The following GPHN variants were observed in gnomAD, a reference collection of about 807,000 sequenced individuals.
GPHN encodes the protein gephyrin.
Under a neutral mutation model 95.5 loss-of-function variants are expected in GPHN, and 17 were observed. The ratio of observed to expected loss-of-function variants is 0.18; its 90% CI spans 0.12 to 0.27. The LOEUF (loss-of-function observed/expected upper bound fraction) is 0.27, where lower values mean the gene tolerates loss of function less well. Among genes scored for constraint, GPHN ranks in the 10% least tolerant of loss-of-function variants. GPHN has a pLI of 1.00. For missense variants in GPHN, 660 were observed against 978.1 expected, an observed-to-expected ratio of 0.67 and a Z score of 4.34; for synonymous variants, 320 against 322.5, an observed-to-expected ratio of 0.99 and a Z score of 0.08.
Position 66,972,141 on chromosome 14 carries a change from G to T in GPHN, c.963+6816G>T, listed in dbSNP as rs1005422109. Among the ~76,000 whole-genome samples the T allele has an allele frequency of 7.3e-5, 11 of 151,678 alleles. No individual in the cohort carries two copies. The East Asian group carries it at 2.1e-3, about 30-fold the overall frequency. On this transcript the variant is annotated intron_variant, in intron 9 of 22. Coordinates refer to ENST00000478722, the MANE Select transcript of GPHN (RefSeq NM_020806.5). ...AAATTAGCCAGGTGTGGTGGTACAT[G>T]CCTGTAGTCCCAGCTGCTTGGGAGG...
chr14:67,608,344 T>A, the GPHN span, among the ~76,000 whole-genome samples: 1 of 152,186 alleles, frequency 6.6e-6, no homozygotes, highest in Non-Finnish European at 1.5e-5. Context: ...TACATATAAT[T>A]TACATTGTAT....
rs918348460 is a variant in GPHN, at chr14:66,829,183, G to A, written c.294+4617G>A. Among the ~76,000 whole-genome samples, 12 of 144,566 alleles carry A rather than the reference G, an allele frequency of 8.3e-5. No homozygotes were observed. The South Asian group carries it at 1.7e-3, about 21-fold the overall frequency. 94.8% of individuals were successfully genotyped at this position (144,566 alleles called of 152,430 possible). ...GCTCACTGCAACCTCCACCTTCCACGTTCAAGCAATTCCTGTGCCTCAGCC... is the reference window on the plus strand; with the variant it reads ...GCTCACTGCAACCTCCACCTTCCACATTCAAGCAATTCCTGTGCCTCAGCC... On this transcript the variant is annotated intron_variant, in intron 4 of 22. Transcript: ENST00000478722.
At chr14:66,904,249 G>GGTGGAAGGGGACT (rs1433971831) in intron 5 of GPHN, among the ~76,000 whole-genome samples, 2 of 152,046 alleles carry the variant, frequency 1.3e-5, no homozygotes, top group African/African-American at 4.8e-5. Context: ...CCTTCCACAG[G>GGTGGAAGGGGACT]GTGGAAGGGG....
chr14:67,002,040 A>G (rs2058053926), intron 9 of GPHN, among the ~76,000 whole-genome samples: 1 of 151,624 alleles, frequency 6.6e-6, no homozygotes. Context: ...TTTCCTTCCC[A>G]ACCAGTGTTC....
At chr14:66,582,792 T>C (rs1214136624) in intron 1 of GPHN, among the ~76,000 whole-genome samples, 8 of 151,978 alleles carry the variant, frequency 5.3e-5, no homozygotes, top group East Asian at 1.9e-4. Flanking sequence ...CATTGTTGGA[T>C]ATTTGGGTTG....
chr14:67,392,711 C>T, the GPHN span: 1 of 1,614,212 alleles, frequency 6.2e-7, no homozygotes, highest in Admixed American at 1.7e-5. Context: ...GGCCAGATCC[C>T]CAGAGCGAAT....
chr14:66,857,986 A>G (rs2062867357), intron 4 of GPHN, among the ~76,000 whole-genome samples: 1 of 152,190 alleles, frequency 6.6e-6, no homozygotes, highest in African/African-American at 2.4e-5. Context: ...AGCCCTACAC[A>G]GAGGGGAACC....
At chr14:67,051,151 G>T (rs1274898779) in intron 10 of GPHN, among the ~76,000 whole-genome samples, 1 of 152,174 alleles carries the variant, frequency 6.6e-6, no homozygotes, top group African/African-American at 2.4e-5. Context: ...AGCTCCCAGT[G>T]GGAGGAGTGG....
At chr14:67,135,684 T>C (rs1315511042) in intron 17 of GPHN, among the ~76,000 whole-genome samples, 4 of 152,178 alleles carry the variant, frequency 2.6e-5, no homozygotes, top group Non-Finnish European at 5.9e-5. Flanking sequence ...TTTATGTTTT[T>C]GTTTTGCTTT....
At chr14:66,757,131 G>A (rs1449246541) in intron 2 of GPHN, among the ~76,000 whole-genome samples, 1 of 152,128 alleles carries the variant, frequency 6.6e-6, no homozygotes, top group East Asian at 1.9e-4. Flanking sequence ...TGAGGTGGAG[G>A]TGGGGAATCC....
chr14:67,110,287 T>C lies in GPHN; in HGVS notation c.1413+28T>C, dbSNP rs1383671586. 12 of 1,612,002 alleles carry C rather than the reference T, an allele frequency of 7.4e-6. No individual in the cohort carries two copies. The East Asian group carries it at 2.5e-4, about 33-fold the overall frequency. ...ACGTCATCACCAAGTCTTACTGTGC[T>C]GTTGTTCCTATGGCAGTATTATGTC... On this transcript the variant is annotated intron_variant, in intron 14 of 22. Transcript: ENST00000478722.
chr14:66,509,931 A>G (rs972274816), intron 1 of GPHN, among the ~76,000 whole-genome samples: 1 of 152,182 alleles, frequency 6.6e-6, no homozygotes, highest in African/African-American at 2.4e-5. Flanking sequence ...GTGATATCCA[A>G]AGCCTCCTTT....
intron 18 of GPHN, among the ~76,000 whole-genome samples, chr14:67,144,272 TATATATATATATATAC>T (rs201368343): frequency 0.028 from 3,378 of 120,430 alleles, 130 homozygotes; most frequent in Non-Finnish European, 0.037. Flanking sequence ...TATATATATA[TATATATATATATATAC>T]ACACACACAT....
the GPHN span, among the ~76,000 whole-genome samples, chr14:67,566,360 G>A: frequency 9.8e-5 from 15 of 152,288 alleles, no homozygotes; most frequent in Non-Finnish European, 2.1e-4. Flanking sequence ...GCAGGAAGTA[G>A]TCAGGCAAGG....
At chr14:67,446,453 T>C in the GPHN span, among the ~76,000 whole-genome samples, 1 of 152,190 alleles carries the variant, frequency 6.6e-6, no homozygotes, top group African/African-American at 2.4e-5. Context: ...ATGCATTCCA[T>C]GAAACCAAAA....
At chr14:67,143,519 C>A in intron 18 of GPHN, 70 bp downstream of exon 18, 2 of 960,718 alleles carry the variant, frequency 2.1e-6, no homozygotes, top group South Asian at 1.3e-5. Context: ...TAACTGTGGT[C>A]TGGTAGGCAT....
At chr14:66,884,179 T>C (rs1247441317) in intron 5 of GPHN, among the ~76,000 whole-genome samples, 2 of 152,058 alleles carry the variant, frequency 1.3e-5, no homozygotes, top group Non-Finnish European at 2.9e-5. Context: ...AAGAGATAGG[T>C]AGGTCTTCTC....
At chr14:66,936,162 T>A (rs964856560) in intron 8 of GPHN, among the ~76,000 whole-genome samples, 1 of 152,156 alleles carries the variant, frequency 6.6e-6, no homozygotes, top group African/African-American at 2.4e-5. Flanking sequence ...GCGGATCACC[T>A]GAGGTCAGGA....
At chr14:66,693,117 A>G (rs1225624565) in intron 2 of GPHN, among the ~76,000 whole-genome samples, 1 of 152,056 alleles carries the variant, frequency 6.6e-6, no homozygotes, top group Non-Finnish European at 1.5e-5. Context: ...AAAATAGTCA[A>G]AATATTAACA....
Sources: gnomAD v4.1 joint callset for allele counts (sites outside exome capture counted in the v4.1 genomes callset) on GRCh38, gnomAD v4.1.1 for gene constraint, MANE v1.5 for transcripts, NCBI Gene and HGNC (gene_info 2026-07-23, HGNC 2026-07-21) for gene names.